The following CD244 variants were observed in gnomAD, a reference collection of about 807,000 sequenced individuals.
The protein encoded by CD244 is natural killer cell receptor 2B4.
CD244 carries 20 observed loss-of-function variants against 45.5 expected under a neutral mutation model. The observed-to-expected ratio is 0.44, with a 90% CI of 0.31 to 0.64. The LOEUF is 0.64. Ranked by LOEUF, CD244 falls within the 30% of genes least tolerant of loss-of-function variation. The pLI, the probability that CD244 is intolerant of heterozygous loss-of-function variation, is 0.08. For synonymous variants in CD244, 185 were observed against 160.5 expected, an observed-to-expected ratio of 1.15 and a Z score of -1.15; for missense variants, 407 against 426.9, an observed-to-expected ratio of 0.95 and a Z score of 0.41.
intron 1 of CD244, among the ~76,000 whole-genome samples, chr1:160,843,922 T>C (rs1669632758): frequency 1.3e-5 from 2 of 152,202 alleles, no homozygotes; most frequent in African/African-American, 4.8e-5. Flanking sequence ...AACATGAAGT[T>C]CACGTCCCTC....
chr1:160,842,339 T>G (rs1306584959), intron 1 of CD244, among the ~76,000 whole-genome samples: 1 of 152,064 alleles, frequency 6.6e-6, no homozygotes, highest in Non-Finnish European at 1.5e-5. Context: ...AGCCTTGAAC[T>G]CCTGGGCTTG....
At chr1:160,849,963 G>T (rs1029056037) in intron 1 of CD244, among the ~76,000 whole-genome samples, 6 of 152,040 alleles carry the variant, frequency 3.9e-5, no homozygotes, top group African/African-American at 1.4e-4. Flanking sequence ...AGTGAGCCAA[G>T]ATGGCACCAT....
At chr1:160,836,322 G>A in intron 5 of CD244, 68 bp from the exon 6 acceptor site, 2 of 1,242,012 alleles carry the variant, frequency 1.6e-6, no homozygotes, top group South Asian at 1.2e-5. Flanking sequence ...GATTGAGTGG[G>A]GAAAAACAGC....
chr1:160,853,996 G>A (rs983234828), intron 1 of CD244, among the ~76,000 whole-genome samples: 2 of 152,082 alleles, frequency 1.3e-5, no homozygotes, highest in African/African-American at 2.4e-5. Context: ...GGCCTGCCTG[G>A]TGTATGCAGA....
intron 1 of CD244, among the ~76,000 whole-genome samples, chr1:160,859,503 G>A (rs1482249673): frequency 3.3e-5 from 5 of 152,076 alleles, no homozygotes; most frequent in African/African-American, 1.2e-4. Flanking sequence ...GATGGGATGC[G>A]CTGAAAAAGA....
intron 1 of CD244, among the ~76,000 whole-genome samples, chr1:160,861,434 A>G (rs183828818): frequency 2.0e-5 from 3 of 152,278 alleles, no homozygotes; most frequent in Non-Finnish European, 4.4e-5. Context: ...CTGAACCCAC[A>G]CAACACTATG....
chr1:160,853,860 G>A (rs1411448475), intron 1 of CD244, among the ~76,000 whole-genome samples: 4 of 151,176 alleles, frequency 2.6e-5, no homozygotes, highest in Admixed American at 2.0e-4. Context: ...AATATGGAAT[G>A]TGCTATGGAG....
intron 7 of CD244, 151 bp downstream of exon 7, chr1:160,833,900 C>T (rs376554343): frequency 3.3e-6 from 2 of 602,358 alleles, no homozygotes; most frequent in South Asian, 2.0e-5. Flanking sequence ...GGCCCATTGA[C>T]ATTTAAATAC....
chr1:160,848,491 T>A, intron 1 of CD244: 1 of 522,532 alleles, frequency 1.9e-6, no homozygotes, highest in Non-Finnish European at 3.7e-6. Context: ...TTGCTGAGTG[T>A]AGACAACTCT....
At chr1:160,838,396 G>T in intron 5 of CD244, 55 bp downstream of exon 5, 1 of 1,275,250 alleles carries the variant, frequency 7.8e-7, no homozygotes, top group Non-Finnish European at 1.1e-6. Flanking sequence ...AACCATCATT[G>T]AAAGAGCATT....
chr1:160,859,316 G>A lies in CD244; in HGVS notation c.61+3301C>T, dbSNP rs534884440. 4.1e-4 allele frequency among the ~76,000 whole-genome samples: 62 copies of A among 152,306 alleles called. No homozygotes were observed. In the Middle Eastern group the frequency reaches 0.017, roughly 42 times the overall value. On this transcript the variant is annotated intron_variant, in intron 1 of 8. Transcript: ENST00000368034. Reference sequence around the variant, plus strand: ...AGACAAAGAGGAGTGGGTCTTGGACGCCAGGTCACGCACCATTGTAAAATG... The same window carrying A: ...AGACAAAGAGGAGTGGGTCTTGGACACCAGGTCACGCACCATTGTAAAATG...
intron 1 of CD244, among the ~76,000 whole-genome samples, chr1:160,850,484 T>C (rs1423032827): frequency 6.6e-6 from 1 of 152,192 alleles, no homozygotes; most frequent in African/African-American, 2.4e-5. Flanking sequence ...CTAAAACTTA[T>C]ATGAAAATGT....
chr1:160,839,160 T>G, intron 3 of CD244, 111 bp from the exon 4 acceptor site: 2 of 702,546 alleles, frequency 2.8e-6, no homozygotes, highest in South Asian at 3.7e-5. Context: ...GTGTTGTGGC[T>G]GATTGCCTCG....
intron 1 of CD244, among the ~76,000 whole-genome samples, chr1:160,857,537 A>G (rs1391301026): frequency 6.6e-6 from 1 of 152,238 alleles, no homozygotes; most frequent in African/African-American, 2.4e-5. Context: ...AAGAGTGCAT[A>G]CCGTTTGATT....
intron 6 of CD244, among the ~76,000 whole-genome samples, chr1:160,834,807 C>G (rs928621163): frequency 6.6e-6 from 1 of 152,250 alleles, no homozygotes; most frequent in Admixed American, 6.5e-5. Flanking sequence ...GCTCTTTCCT[C>G]AACACCTCAA....
intron 1 of CD244, among the ~76,000 whole-genome samples, chr1:160,853,140 A>G (rs1036131035): frequency 9.8e-5 from 15 of 152,374 alleles, no homozygotes; most frequent in African/African-American, 3.6e-4. Flanking sequence ...TCACGATTAG[A>G]TGAGCAAATA....
At position 160,838,686 on chromosome 1, in the gene CD244, C is replaced by A. The variant is rs1319651; in HGVS notation, c.767-168G>T. ...CCCCAAAGAGCACAGAGGCAGCAAC[C>A]GAACTGCCCCTCCCACACCTCCTCC... On this transcript the variant is annotated intron_variant, in intron 4 of 8. Coordinates refer to ENST00000368034, the MANE Select transcript of CD244 (RefSeq NM_016382.4). 1.8e-3 allele frequency: 1,113 copies of A among 630,590 alleles called. 23 individuals are homozygous for A. The South Asian group carries it at 0.02, about 11-fold the overall frequency. 39.1% of individuals were successfully genotyped at this position (630,590 alleles called of 1,614,324 possible).
At chr1:160,848,866 T>C (rs1023618123) in intron 1 of CD244, among the ~76,000 whole-genome samples, 1 of 151,938 alleles carries the variant, frequency 6.6e-6, no homozygotes, top group African/African-American at 2.4e-5. Context: ...ATATCTCTTA[T>C]AATAGACCAG....
chr1:160,848,345 T>C, intron 1 of CD244: 1 of 588,356 alleles, frequency 1.7e-6, no homozygotes, highest in Non-Finnish European at 3.3e-6. Flanking sequence ...TTCCCAGTTT[T>C]TCATCTACAT....
Sources: gnomAD v4.1 joint callset for allele counts (sites outside exome capture counted in the v4.1 genomes callset) on GRCh38, gnomAD v4.1.1 for gene constraint, MANE v1.5 for transcripts, NCBI Gene and HGNC (gene_info 2026-07-23, HGNC 2026-07-21) for gene names.